FOXJ3: variants seen among roughly 807,000 people sequenced by gnomAD.
FOXJ3 encodes forkhead box J3, also known as forkhead box protein J3.
In FOXJ3, 22 loss-of-function variants were observed where a neutral mutation model predicts 76.1. The ratio of observed to expected loss-of-function variants is 0.29; its 90% confidence interval spans 0.21 to 0.41. FOXJ3 has a LOEUF of 0.41. FOXJ3 is among the 10% of genes least tolerant of loss of function. The pLI is 1.00. For synonymous variants in FOXJ3, 269 were observed against 261.2 expected (o/e 1.03, Z -0.29); for missense variants, 613 against 762.1 (o/e 0.80, Z 2.30).
chr1:42,269,920 C>G (rs1651746432), intron 3 of FOXJ3, among the ~76,000 whole-genome samples: 1 of 152,128 alleles, frequency 6.6e-6, no homozygotes, highest in African/African-American at 2.4e-5. Flanking sequence ...CCTCTCAGCC[C>G]TGCTTCCATC....
chr1:42,265,376 C>T (rs1651385774), intron 3 of FOXJ3, among the ~76,000 whole-genome samples, 187 bp from the exon 4 acceptor site: 1 of 152,048 alleles, frequency 6.6e-6, no homozygotes, highest in Non-Finnish European at 1.5e-5. Context: ...TGAGGGGAAG[C>T]TGTTACTGGA....
chr1:42,187,253 G>A (rs1462781712), intron 11 of FOXJ3, among the ~76,000 whole-genome samples: 1 of 152,220 alleles, frequency 6.6e-6, no homozygotes, highest in African/African-American at 2.4e-5. Flanking sequence ...CACAAGACTA[G>A]TGATATATAC....
In FOXJ3 at chr1:42,229,301, T is replaced by C. The variant is rs1385828529; in HGVS notation, c.445-1335A>G. On this transcript the variant is annotated intron_variant, in intron 4 of 12. Transcript: ENST00000361346. ...CTGTTTACAGGTCTGTATCCCCTTC[T>C]AGGCTATAAATTCCTTATGGATAGG... is the stretch of plus-strand genomic sequence containing the variant. Among the ~76,000 whole-genome samples the C allele has an allele frequency of 2.0e-5, 3 of 152,346 alleles. No individual in the cohort carries two copies. In the East Asian group the frequency reaches 5.8e-4, roughly 29 times the overall value.
intron 1 of FOXJ3, among the ~76,000 whole-genome samples, chr1:42,329,788 G>A (rs1656048969): frequency 6.6e-6 from 1 of 152,216 alleles, no homozygotes; most frequent in African/African-American, 2.4e-5. Flanking sequence ...CGGATGCGAT[G>A]TCAAGTTAAA....
chr1:42,217,118 T>A (rs1238764007), intron 5 of FOXJ3, among the ~76,000 whole-genome samples: 1 of 152,080 alleles, frequency 6.6e-6, no homozygotes, highest in Non-Finnish European at 1.5e-5. Flanking sequence ...TTATGACAAA[T>A]CGCAAGAGGC....
intron 1 of FOXJ3, among the ~76,000 whole-genome samples, chr1:42,330,031 T>C (rs987832000): frequency 6.6e-6 from 1 of 152,168 alleles, no homozygotes; most frequent in Non-Finnish European, 1.5e-5. Context: ...TTTCCTCATC[T>C]GTAAAACTAC....
intron 3 of FOXJ3, among the ~76,000 whole-genome samples, chr1:42,271,165 A>G (rs1651839752): frequency 6.6e-6 from 1 of 152,180 alleles, no homozygotes; most frequent in African/African-American, 2.4e-5. Flanking sequence ...CTTGGAATGT[A>G]TGCCATGAAG....
chr1:42,263,442 T>A (rs1001515032), intron 4 of FOXJ3, among the ~76,000 whole-genome samples: 7 of 152,196 alleles, frequency 4.6e-5, no homozygotes, highest in Non-Finnish European at 8.8e-5. Flanking sequence ...TATATACTCA[T>A]TGCCTATAGG....
intron 2 of FOXJ3, among the ~76,000 whole-genome samples, chr1:42,280,132 T>C (rs868264859): frequency 6.6e-6 from 1 of 152,058 alleles, no homozygotes; most frequent in Non-Finnish European, 1.5e-5. Flanking sequence ...ACTTTGAAAA[T>C]TAAATGTATT....
At position 42,227,495 on chromosome 1, in the gene FOXJ3, A is replaced by G. The variant is rs530114023; in HGVS notation, c.528+388T>C. On this transcript the variant is annotated intron_variant, in intron 5 of 12. Coordinates refer to ENST00000361346, the MANE Select transcript of FOXJ3 (RefSeq NM_014947.5). ...TGACTATTAAATGGACAGAACCAGG[A>G]AAAGGTATTTTGAGGACAATGGGGA... Among the ~76,000 whole-genome samples the G allele has an allele frequency of 5.9e-5, 9 of 152,368 alleles. No homozygotes were observed. The East Asian group carries it at 1.7e-3, about 29-fold the overall frequency.
chr1:42,257,624 G>A (rs766488555), intron 4 of FOXJ3, among the ~76,000 whole-genome samples: 1 of 151,656 alleles, frequency 6.6e-6, no homozygotes, highest in Non-Finnish European at 1.5e-5. Flanking sequence ...TTGTAATCCC[G>A]CCTACAGGGG....
At chr1:42,209,453 A>C (rs1379107469) in intron 5 of FOXJ3, among the ~76,000 whole-genome samples, 1 of 152,194 alleles carries the variant, frequency 6.6e-6, no homozygotes, top group Non-Finnish European at 1.5e-5. Context: ...GACCTTTTGA[A>C]ATAAGTGGCG....
chr1:42,181,951 T>C lies in FOXJ3; in HGVS notation c.1719A>G (p.Pro573=), dbSNP rs753295287. 6.2e-7 allele frequency: 1 copy of C among 1,613,370 alleles called. No homozygotes were observed. The highest frequency in any genetic ancestry group is 1.7e-5 in the Admixed American group (1 of 59,956). The change falls in exon 12 of 13, where the codon CCA becomes CCG. Residue 573 remains proline, a synonymous_variant. Coordinates refer to ENST00000361346, the MANE Select transcript of FOXJ3 (RefSeq NM_014947.5). ...TTGTTCCTGGAGTGCTGAGTGCCTG[T>C]GGGATATGAGGATAACCAGGGGGTG... is the stretch of plus-strand genomic sequence containing the variant. The part of the protein sequence containing the change: ...VMPPPGYPHI[P]QALSTPGTTM...
intron 2 of FOXJ3, among the ~76,000 whole-genome samples, chr1:42,304,723 T>C (rs1654355954): frequency 6.6e-6 from 1 of 152,180 alleles, no homozygotes; most frequent in Non-Finnish European, 1.5e-5. Flanking sequence ...CCCCTATTCC[T>C]TGCCATATAC....
At chr1:42,270,539 A>T (rs1651793659) in intron 3 of FOXJ3, among the ~76,000 whole-genome samples, 1 of 152,212 alleles carries the variant, frequency 6.6e-6, no homozygotes. Context: ...CCACAAAGAA[A>T]AGAGGTTACT....
At chr1:42,186,067 A>T (rs987902037) in intron 11 of FOXJ3, among the ~76,000 whole-genome samples, 3 of 152,162 alleles carry the variant, frequency 2.0e-5, no homozygotes, top group Non-Finnish European at 2.9e-5. Context: ...CAGCTCTCTG[A>T]AAGTCTCCTC....
intron 11 of FOXJ3, among the ~76,000 whole-genome samples, chr1:42,183,237 T>C (rs1479822152): frequency 3.5e-5 from 5 of 143,912 alleles, no homozygotes; most frequent in South Asian, 4.8e-4. Context: ...GCCTGGTTAA[T>C]AGAGTGAGAC....
intron 4 of FOXJ3, among the ~76,000 whole-genome samples, chr1:42,236,600 A>T (rs1648654005): frequency 6.6e-6 from 1 of 152,236 alleles, no homozygotes; most frequent in African/African-American, 2.4e-5. Context: ...GTATACCTTC[A>T]TGTAACTAAC....
At chr1:42,281,503 A>G (rs890493069) in intron 2 of FOXJ3, among the ~76,000 whole-genome samples, 16 of 152,240 alleles carry the variant, frequency 1.1e-4, no homozygotes, top group Admixed American at 9.2e-4. Flanking sequence ...TGTAAAAATT[A>G]TTCCACTGTG....
Sources: allele counts gnomAD v4.1 joint callset (sites outside exome capture counted in the v4.1 genomes callset), GRCh38; gene constraint gnomAD v4.1.1; transcripts MANE v1.5; gene names NCBI Gene and HGNC (gene_info 2026-07-23, HGNC 2026-07-21).